The following PCDHGA2 variants were observed in gnomAD, a reference collection of about 807,000 sequenced individuals.
PCDHGA2 encodes the protein protocadherin gamma subfamily A, 2, also known as protocadherin gamma-A2.
A neutral mutation model predicts 59.2 loss-of-function variants in PCDHGA2; 40 were observed. The observed-to-expected ratio is 0.68, with a 90% CI of 0.52 to 0.88. The LOEUF is 0.88. Ranked by LOEUF, PCDHGA2 falls within the 40% of genes least tolerant of loss-of-function variation. The pLI, the probability that PCDHGA2 is intolerant of heterozygous loss-of-function variation, is 0.00. For missense variants in PCDHGA2, 1,226 were observed against 1,204.0 expected (o/e 1.02, Z -0.27); for synonymous variants, 560 against 526.0 (o/e 1.06, Z -0.89).
intron 1 of PCDHGA2, chr5:141,372,544 G>A (rs1768857250): frequency 2.5e-6 from 4 of 1,613,872 alleles, no homozygotes; most frequent in African/African-American, 1.3e-5. Context: ...CGCCTGCGAT[G>A]CTCCTCCAGA....
At position 141,485,662 on chromosome 5, in the gene PCDHGA2, G is replaced by T. The variant is rs778404230; in HGVS notation, c.2425-9145G>T. ...AAAAGGCTCAGGATGCAGATGTGGG[G>T]AGCAATTCGATTAGCAGCTATAGGC... On this transcript the variant is annotated intron_variant, in intron 1 of 3. Coordinates refer to ENST00000394576, the MANE Select transcript of PCDHGA2 (RefSeq NM_018915.4). This position sits in a 1 kb window ranked among gnomAD's most constrained non-coding sequence, Gnocchi z 5.7. The T allele has an allele frequency of 1.1e-5, 18 of 1,612,748 alleles. No individual in the cohort carries two copies. The South Asian group carries it at 1.9e-4, about 17-fold the overall frequency.
rs780502910 is a variant in PCDHGA2, at chr5:141,351,486, AG to A, written c.2424+10092del. 4 of 1,613,982 alleles carry A rather than the reference AG, an allele frequency of 2.5e-6. No homozygotes were observed. The South Asian group carries it at 4.4e-5, about 18-fold the overall frequency. ...GTGATTGCTGGAGCCCTAAACCGGG[AG>A]CAGACAGCAGACTACAACGTCACAA... On this transcript the variant is annotated intron_variant, in intron 1 of 3. Coordinates refer to ENST00000394576, the MANE Select transcript of PCDHGA2 (RefSeq NM_018915.4).
intron 1 of PCDHGA2, among the ~76,000 whole-genome samples, chr5:141,483,522 C>G (rs557644901): frequency 9.3e-6 from 1 of 107,172 alleles, no homozygotes; most frequent in African/African-American, 3.9e-5. Flanking sequence ...TAGATCCTGA[C>G]TAAGGAAGCT....
intron 1 of PCDHGA2, chr5:141,357,302 C>G: frequency 3.7e-6 from 6 of 1,614,086 alleles, no homozygotes; most frequent in Non-Finnish European, 5.1e-6. Context: ...GCCGCTGTCT[C>G]CTGCGTCTTC....
At chr5:141,363,921 G>A (rs1014705709) in intron 1 of PCDHGA2, among the ~76,000 whole-genome samples, 20 of 152,132 alleles carry the variant, frequency 1.3e-4, no homozygotes, top group African/African-American at 4.3e-4. Flanking sequence ...TTTTTGTAAG[G>A]TATTGAGATC....
intron 1 of PCDHGA2, among the ~76,000 whole-genome samples, chr5:141,433,534 C>T (rs2097618995): frequency 6.6e-6 from 1 of 152,088 alleles, no homozygotes; most frequent in Admixed American, 6.5e-5. Context: ...GTGCCCCGCC[C>T]TTATCAGATA....
In PCDHGA2 at chr5:141,503,070, G is replaced by A. The variant is rs868143537; in HGVS notation, c.2484-2323G>A. 1.5e-4 allele frequency among the ~76,000 whole-genome samples: 23 copies of A among 151,614 alleles called. No individual in the cohort carries two copies. The Middle Eastern group carries it at 0.01, about 68-fold the overall frequency. On this transcript the variant is annotated intron_variant, in intron 2 of 3. Coordinates refer to ENST00000394576, the MANE Select transcript of PCDHGA2 (RefSeq NM_018915.4). ...GGGTTTCACCATGTTGGTCAGAATGGTCTCGATCTCCTGACCTCGTGGTCT... is the reference window on the plus strand; with the variant it reads ...GGGTTTCACCATGTTGGTCAGAATGATCTCGATCTCCTGACCTCGTGGTCT...
At chr5:141,348,149 T>C (rs1561494600) in intron 1 of PCDHGA2, among the ~76,000 whole-genome samples, 1 of 152,220 alleles carries the variant, frequency 6.6e-6, no homozygotes, top group Non-Finnish European at 1.5e-5. Flanking sequence ...ATGAGAGTTA[T>C]CCAAAATTAG....
intron 1 of PCDHGA2, among the ~76,000 whole-genome samples, chr5:141,488,554 T>C (rs1313975033): frequency 6.6e-6 from 1 of 152,064 alleles, no homozygotes; most frequent in African/African-American, 2.4e-5. Context: ...CAGCTGACAT[T>C]GAGATTTCCG....
intron 1 of PCDHGA2, chr5:141,352,540 G>C: frequency 6.2e-7 from 1 of 1,613,980 alleles, no homozygotes. Context: ...CAAAGACAGA[G>C]TTTAATTCTC....
chr5:141,351,300 C>T, intron 1 of PCDHGA2: 1 of 1,613,856 alleles, frequency 6.2e-7, no homozygotes, highest in South Asian at 1.1e-5. Context: ...ACATTCATGT[C>T]CTTCTCTAAC....
Position 141,422,132 on chromosome 5 carries a change from T to C in PCDHGA2, c.2425-72675T>C, listed in dbSNP as rs768931697. ...CAATTGGATTCACAAACTGGAGAAG[T>C]TCAAGTACGGGGGTCTCTGGATTTT... On this transcript the variant is annotated intron_variant, in intron 1 of 3. Coordinates refer to ENST00000394576, the MANE Select transcript of PCDHGA2 (RefSeq NM_018915.4). The C allele has an allele frequency of 1.2e-5, 19 of 1,598,396 alleles. No individual in the cohort carries two copies. In the South Asian group the frequency reaches 2.0e-4, roughly 17 times the overall value.
chr5:141,357,066 C>A, intron 1 of PCDHGA2: 1 of 1,613,984 alleles, frequency 6.2e-7, no homozygotes. Flanking sequence ...TGGGGCTGCA[C>A]ACAGGCGAGG....
chr5:141,500,870 A>C (rs2099803097), intron 2 of PCDHGA2, among the ~76,000 whole-genome samples: 1 of 139,794 alleles, frequency 7.2e-6, no homozygotes, highest in African/African-American at 2.8e-5. Context: ...ATACACATTC[A>C]TTTACAATTT....
rs539719239 is a variant in PCDHGA2, at chr5:141,431,888, G to A, written c.2425-62919G>A. The A allele has an allele frequency of 6.2e-7, 1 of 1,614,200 alleles. No homozygotes were observed. The highest frequency in any genetic ancestry group is 1.7e-5 in the Admixed American group (1 of 60,036). On this transcript the variant is annotated intron_variant, in intron 1 of 3. Coordinates refer to ENST00000394576, the MANE Select transcript of PCDHGA2 (RefSeq NM_018915.4). The surrounding 1 kb of genome is among the most constrained non-coding windows in gnomAD (Gnocchi z 4.8). ...TTTAAATGTAAATGACCAAGATTCT[G>A]AGGAAAACGGACAGGTGATCTGTTT... is the stretch of plus-strand genomic sequence containing the variant.
intron 1 of PCDHGA2, among the ~76,000 whole-genome samples, chr5:141,433,837 CAA>C (rs56191208): frequency 1.4e-4 from 16 of 111,664 alleles, no homozygotes; most frequent in Non-Finnish European, 1.2e-4. Context: ...AACTCTATCT[CAA>C]AAAAAAAAAA....
intron 1 of PCDHGA2, chr5:141,414,450 A>C (rs759840643): frequency 9.3e-6 from 15 of 1,613,772 alleles, no homozygotes. Context: ...ACAATATCAC[A>C]GTGACAGCCA....
intron 1 of PCDHGA2, chr5:141,372,308 C>T (rs1343054904): frequency 1.2e-6 from 2 of 1,613,474 alleles, no homozygotes; most frequent in South Asian, 2.2e-5. Flanking sequence ...GGGAGGCCGC[C>T]CGCCAGCGCC....
At chr5:141,466,654 C>A (rs985749176) in intron 1 of PCDHGA2, among the ~76,000 whole-genome samples, 12 of 152,178 alleles carry the variant, frequency 7.9e-5, no homozygotes, top group African/African-American at 2.9e-4. Flanking sequence ...TTTCACAAAA[C>A]ATCAGTGATT....
Sources: allele counts gnomAD v4.1 joint callset (sites outside exome capture counted in the v4.1 genomes callset), GRCh38; gene constraint gnomAD v4.1.1; non-coding constraint Gnocchi (gnomAD v3.1); transcripts MANE v1.5; gene names NCBI Gene and HGNC (gene_info 2026-07-23, HGNC 2026-07-21).